The following PTPRD variants were observed in gnomAD, a reference collection of about 807,000 sequenced individuals.
PTPRD encodes the protein protein tyrosine phosphatase receptor type D, also known as receptor-type tyrosine-protein phosphatase delta.
PTPRD carries 34 observed loss-of-function variants against 214.5 expected under a neutral mutation model. That is an observed-to-expected ratio of 0.16 (90% confidence interval 0.12 to 0.21). PTPRD has a LOEUF of 0.21. Ranked by LOEUF, PTPRD falls within the 10% of genes least tolerant of loss-of-function variation. The probability of loss-of-function intolerance (pLI) is 1.00; values close to 1 mark genes in which losing one functional copy is unlikely to be tolerated. For missense variants in PTPRD, 2,545 were observed against 2,398.7 expected, an observed-to-expected ratio of 1.06 and a Z score of -1.27; for synonymous variants, 1,128 against 845.7, an observed-to-expected ratio of 1.33 and a Z score of -5.79.
chr9:9,455,573 A>G (rs1014522561), intron 8 of PTPRD, among the ~76,000 whole-genome samples: 15 of 151,602 alleles, frequency 9.9e-5, no homozygotes, highest in Non-Finnish European at 1.9e-4. Flanking sequence ...CAAGATTAAT[A>G]TTATCATTAC....
intron 35 of PTPRD, among the ~76,000 whole-genome samples, chr9:8,416,584 A>G (rs1240258194): frequency 1.3e-5 from 2 of 152,174 alleles, no homozygotes; most frequent in African/African-American, 4.8e-5. Flanking sequence ...TGTGAAATCC[A>G]TAGAAAATTT....
intron 14 of PTPRD, among the ~76,000 whole-genome samples, chr9:8,598,261 G>A (rs1000436661): frequency 2.6e-5 from 4 of 152,112 alleles, no homozygotes; most frequent in African/African-American, 7.2e-5. Flanking sequence ...AGACCAGCCT[G>A]GCCAACATGG....
chr9:8,420,881 C>A (rs960096845), intron 35 of PTPRD, among the ~76,000 whole-genome samples: 1 of 150,900 alleles, frequency 6.6e-6, no homozygotes, highest in Non-Finnish European at 1.5e-5. Flanking sequence ...TCAGTATTCC[C>A]CTGTTGTTTT....
At chr9:10,544,165 T>C (rs117036245) in intron 2 of PTPRD, among the ~76,000 whole-genome samples, 3,095 of 152,238 alleles carry the variant, frequency 0.02, 37 homozygotes, top group Middle Eastern at 0.034. Flanking sequence ...CTTCCACATA[T>C]AAGGTTTCTG....
chr9:9,021,232 A>C (rs1407086013), intron 10 of PTPRD, among the ~76,000 whole-genome samples: 1 of 152,186 alleles, frequency 6.6e-6, no homozygotes, highest in South Asian at 2.1e-4. Context: ...TCAGTCAGCA[A>C]TGGACTGCAT....
chr9:10,514,044 C>T (rs78227591), intron 2 of PTPRD, among the ~76,000 whole-genome samples: 195 of 152,258 alleles, frequency 1.3e-3, no homozygotes, highest in African/African-American at 4.5e-3. Context: ...TATTACACTA[C>T]ATTAATGTCA....
rs151225136 is a variant in PTPRD at position 10,124,799 on chromosome 9, C to T, written c.-544-91009G>A. ...TTCCAATTAATCATTTTATTTACAT[C>T]ATCATTTCGCAGAATACAAAATTTT... On this transcript the variant is annotated intron_variant, in intron 3 of 45. Coordinates refer to ENST00000381196, the MANE Select transcript of PTPRD (RefSeq NM_002839.4). 6.9e-4 allele frequency among the ~76,000 whole-genome samples: 105 copies of T among 152,280 alleles called. 1 individual carries two copies. In the East Asian group the frequency reaches 0.017, roughly 24 times the overall value.
At position 8,511,722 on chromosome 9, in the gene PTPRD, T is replaced by C. The variant is rs1358123555; in HGVS notation, c.1544-4288A>G. On this transcript the variant is annotated intron_variant, in intron 21 of 45. Transcript: ENST00000381196. Reference sequence around the variant, plus strand: ...AAAAGAAGCAAAAATTTTTCTTTAATATTATATTTAAGAAGTCATTATATA... The same window carrying C: ...AAAAGAAGCAAAAATTTTTCTTTAACATTATATTTAAGAAGTCATTATATA... 2.6e-5 allele frequency among the ~76,000 whole-genome samples: 4 copies of C among 152,150 alleles called. No individual in the cohort carries two copies. In the East Asian group the frequency reaches 7.7e-4, roughly 29 times the overall value.
intron 35 of PTPRD, among the ~76,000 whole-genome samples, chr9:8,415,895 T>G (rs1339608803): frequency 1.3e-5 from 2 of 152,012 alleles, no homozygotes; most frequent in African/African-American, 4.8e-5. Context: ...GTTTTAGAAC[T>G]AAGAAGCAAG....
At chr9:9,323,086 T>C (rs1490230493) in intron 9 of PTPRD, among the ~76,000 whole-genome samples, 2 of 152,276 alleles carry the variant, frequency 1.3e-5, no homozygotes, top group Non-Finnish European at 1.5e-5. Context: ...TTGAATACCC[T>C]AGGGCACTTT....
At chr9:10,015,535 A>G (rs568258071) in intron 4 of PTPRD, among the ~76,000 whole-genome samples, 1 of 152,192 alleles carries the variant, frequency 6.6e-6, no homozygotes, top group Non-Finnish European at 1.5e-5. Context: ...AGAAATATAA[A>G]GGCAGTTAGT....
chr9:10,364,194 G>A (rs765067117), intron 2 of PTPRD, among the ~76,000 whole-genome samples: 14 of 151,454 alleles, frequency 9.2e-5, no homozygotes, highest in Non-Finnish European at 1.9e-4. Context: ...GTAGAGATAG[G>A]GTTTCACCGC....
At chr9:10,040,579 C>T (rs2097278322) in intron 3 of PTPRD, among the ~76,000 whole-genome samples, 1 of 152,018 alleles carries the variant, frequency 6.6e-6, no homozygotes, top group South Asian at 2.1e-4. Context: ...CAGCAAGCTA[C>T]TTAGCAACGA....
intron 8 of PTPRD, among the ~76,000 whole-genome samples, chr9:9,544,978 T>G (rs2078443501): frequency 6.6e-6 from 1 of 151,184 alleles, no homozygotes; most frequent in Non-Finnish European, 1.5e-5. Context: ...TGTTCTTGAT[T>G]ATTTTTATTT....
At chr9:9,930,527 T>C (rs1223765403) in intron 5 of PTPRD, among the ~76,000 whole-genome samples, 2 of 152,112 alleles carry the variant, frequency 1.3e-5, no homozygotes, top group African/African-American at 2.4e-5. Flanking sequence ...TCAAACTGGA[T>C]AAAGAACTGC....
chr9:10,334,461 A>T (rs1175981487), intron 3 of PTPRD, among the ~76,000 whole-genome samples: 10 of 151,476 alleles, frequency 6.6e-5, no homozygotes, highest in Non-Finnish European at 5.9e-5. Flanking sequence ...TACTGAAAAC[A>T]TCACATTGGT....
Position 9,779,078 on chromosome 9 carries a change from C to CAAAAAAAAAAAA in PTPRD, c.-367-12239_-367-12228dup, listed in dbSNP as rs869120926. On this transcript the variant is annotated intron_variant, in intron 5 of 45. Coordinates refer to ENST00000381196, the MANE Select transcript of PTPRD (RefSeq NM_002839.4). ...GCCATGTGATCTTTCATAAGACTGA[C>CAAAAAAAAAAAA]AAAAAAAAAAAAAAAAAAAAAAAAA... 3.5e-3 allele frequency among the ~76,000 whole-genome samples: 158 copies of CAAAAAAAAAAAA among 45,478 alleles called. 24 individuals carry two copies. The highest frequency in any genetic ancestry group is 9.8e-3 in the African/African-American group (110 of 11,270). The allele number at this position is 45,478 out of a possible 152,430, so 29.8% of individuals were successfully genotyped here.
At chr9:9,018,673 A>G (rs929222448) in intron 11 of PTPRD, 24 bp downstream of exon 11, 4 of 152,206 alleles carry the variant, frequency 2.6e-5, no homozygotes, top group African/African-American at 9.6e-5. Context: ...CCAGGCACAC[A>G]ACCCAGTATG....
chr9:8,470,634 T>C (rs1414870849), intron 31 of PTPRD, among the ~76,000 whole-genome samples: 1 of 152,106 alleles, frequency 6.6e-6, no homozygotes, highest in Admixed American at 6.6e-5. Context: ...CAGCAACTGT[T>C]GCACTAATGA....
Sources: allele counts gnomAD v4.1 joint callset (sites outside exome capture counted in the v4.1 genomes callset), GRCh38; gene constraint gnomAD v4.1.1; transcripts MANE v1.5; gene names NCBI Gene and HGNC (gene_info 2026-07-23, HGNC 2026-07-21).